Variants in LRRIQ1 observed in about 807,000 individuals in gnomAD.
LRRIQ1 encodes the protein leucine rich repeats and IQ motif containing 1.
LRRIQ1 carries 210 observed loss-of-function variants against 211.9 expected under a neutral mutation model. That is an observed-to-expected ratio of 0.99 (90% confidence interval 0.89 to 1.11). LRRIQ1 has a LOEUF of 1.11. Among genes scored for constraint, LRRIQ1 ranks in the 50% most tolerant of loss-of-function variants. The pLI, the probability that LRRIQ1 is intolerant of heterozygous loss-of-function variation, is 0.00. For missense variants in LRRIQ1, 2,136 were observed against 1,939.5 expected, an observed-to-expected ratio of 1.10 and a Z score of -1.90; for synonymous variants, 699 against 650.1, an observed-to-expected ratio of 1.08 and a Z score of -1.14.
At chr12:85,192,751 A>C (rs11610482) in intron 24 of LRRIQ1, among the ~76,000 whole-genome samples, 1 of 102,616 alleles carries the variant, frequency 9.7e-6, no homozygotes, top group Non-Finnish European at 1.7e-5. Flanking sequence ...ATTATATATA[A>C]ATATATATAG....
chr12:85,098,249 T>A, intron 11 of LRRIQ1, 106 bp from the exon 12 acceptor site: 1 of 665,058 alleles, frequency 1.5e-6, no homozygotes, highest in South Asian at 2.1e-5. Flanking sequence ...TAATTAATGA[T>A]AGTGAGAAAT....
At chr12:85,054,462 A>G (rs375745345) in intron 7 of LRRIQ1, among the ~76,000 whole-genome samples, 21 of 152,188 alleles carry the variant, frequency 1.4e-4, no homozygotes, top group African/African-American at 5.1e-4. Flanking sequence ...TCTTTCTCCC[A>G]TGGCTTTTTG....
intron 1 of LRRIQ1, among the ~76,000 whole-genome samples, chr12:85,255,282 T>A (rs951029400): frequency 4.0e-5 from 6 of 151,890 alleles, no homozygotes; most frequent in African/African-American, 1.4e-4. Flanking sequence ...GGCAAATTTG[T>A]AAGTGATGCC....
chr12:85,257,833 A>G (rs1896164197), intron 1 of LRRIQ1, among the ~76,000 whole-genome samples: 1 of 151,896 alleles, frequency 6.6e-6, no homozygotes, highest in Non-Finnish European at 1.5e-5. Context: ...AATTTAGTGA[A>G]GACTTTTTTT....
intron 24 of LRRIQ1, among the ~76,000 whole-genome samples, chr12:85,177,595 G>A (rs1441944157): frequency 6.6e-6 from 1 of 152,110 alleles, no homozygotes; most frequent in Admixed American, 6.6e-5. Context: ...GGTTGGTATG[G>A]CTAGAGAACA....
chr12:85,269,478 G>GAA, the LRRIQ1 span, among the ~76,000 whole-genome samples: 1 of 152,006 alleles, frequency 6.6e-6, no homozygotes, highest in South Asian at 2.1e-4. Context: ...TTAAGTGCAA[G>GAA]AAAACTTGAT....
Position 85,106,506 on chromosome 12 carries a change from A to C in LRRIQ1, c.3284-16A>C. On this transcript the variant is annotated splice_polypyrimidine_tract_variant and intron_variant, in intron 14 of 26. Transcript: ENST00000393217. ...ATCTGTGATGATACCTTTCAAAATG[A>C]TTTTATTTTCTGTAGATCTTAAAAG... The C allele has an allele frequency of 6.5e-7, 1 of 1,544,340 alleles. No homozygotes were observed. Among genetic ancestry groups the C allele is most frequent in the Non-Finnish European group, 8.9e-7 (1 of 1,119,102 alleles).
At chr12:85,254,415 T>C in intron 1 of LRRIQ1, among the ~76,000 whole-genome samples, 1 of 152,148 alleles carries the variant, frequency 6.6e-6, no homozygotes, top group Non-Finnish European at 1.5e-5. Context: ...TTAGATTTCA[T>C]AACTGAAATT....
chr12:85,174,701 C>CAAAAAAAAAGAAAAAAAAA (rs1891596961), intron 24 of LRRIQ1, among the ~76,000 whole-genome samples: 1 of 21,612 alleles, frequency 4.6e-5, no homozygotes, highest in African/African-American at 3.1e-4. Context: ...GAGTACAGCT[C>CAAAAAAAAAGAAAAAAAAA]AAAAAAAAAA....
At chr12:85,115,443 G>A (rs1209105822) in intron 15 of LRRIQ1, among the ~76,000 whole-genome samples, 1 of 152,120 alleles carries the variant, frequency 6.6e-6, no homozygotes, top group South Asian at 2.1e-4. Context: ...TCAAGATATT[G>A]TTATAGTCTT....
intron 26 of LRRIQ1, among the ~76,000 whole-genome samples, chr12:85,239,356 T>TACAC (rs55912271): frequency 0.14 from 20,956 of 145,014 alleles, 3,848 homozygotes; most frequent in African/African-American, 0.44. Flanking sequence ...AACTGTTTTA[T>TACAC]ACACACACAC....
chr12:85,081,342 A>G (rs1463516625), intron 11 of LRRIQ1, among the ~76,000 whole-genome samples: 1 of 152,154 alleles, frequency 6.6e-6, no homozygotes, highest in African/African-American at 2.4e-5. Context: ...ACTTCTCAAC[A>G]GATGAACTGT....
chr12:85,046,136 AG>A lies in LRRIQ1; in HGVS notation c.454+1del, dbSNP rs1208161758. The A allele has an allele frequency of 6.4e-7, 1 of 1,561,938 alleles. No individual in the cohort carries two copies. The highest frequency in any genetic ancestry group is 2.2e-5 in the East Asian group (1 of 44,504). On this transcript the variant is annotated frameshift_variant and splice_region_variant, in exon 5 of 27. Coordinates refer to ENST00000393217, the MANE Select transcript of LRRIQ1 (RefSeq NM_001079910.2). LOFTEE classifies it high-confidence loss of function. ...DLPMDEHVLPDDADINFGYCE... is the reference protein window; with the variant it reads ...DLPMDEHVLPXDADINFGYCE... ...TGCCTATGGATGAACATGTTTTACC[AG>A]GTGGACTAAATTGCTCAATGATATG...
At chr12:85,195,535 T>C (rs1892855364) in intron 24 of LRRIQ1, among the ~76,000 whole-genome samples, 1 of 152,228 alleles carries the variant, frequency 6.6e-6, no homozygotes, top group East Asian at 1.9e-4. Flanking sequence ...CAAATCAATT[T>C]AATGTAATCC....
intron 24 of LRRIQ1, among the ~76,000 whole-genome samples, chr12:85,191,373 A>G (rs1892502040): frequency 6.6e-6 from 1 of 151,936 alleles, no homozygotes; most frequent in Admixed American, 6.6e-5. Context: ...TACTGACTCC[A>G]TAATTTTTCC....
At chr12:85,129,189 T>C (rs1294584331) in intron 18 of LRRIQ1, among the ~76,000 whole-genome samples, 1 of 152,200 alleles carries the variant, frequency 6.6e-6, no homozygotes, top group African/African-American at 2.4e-5. Context: ...TTTTAAAAAT[T>C]TATTTACTCA....
intron 24 of LRRIQ1, among the ~76,000 whole-genome samples, chr12:85,202,077 A>G (rs1893327070): frequency 6.6e-6 from 1 of 151,930 alleles, no homozygotes; most frequent in Non-Finnish European, 1.5e-5. Context: ...TTTCCATGTA[A>G]TTATGTAATT....
chr12:85,250,880 T>TATATAATATATTTTATATATTATATATA (rs1895903408), intron 1 of LRRIQ1, among the ~76,000 whole-genome samples: 1 of 98,774 alleles, frequency 1.0e-5, no homozygotes, highest in Non-Finnish European at 1.9e-5. Flanking sequence ...TATATTATAT[T>TATATAATATATTTTATATATTATATATA]ATATATAATA....
At chr12:85,208,413 G>C (rs1237537939) in intron 24 of LRRIQ1, among the ~76,000 whole-genome samples, 1 of 151,910 alleles carries the variant, frequency 6.6e-6, no homozygotes, top group East Asian at 1.9e-4. Flanking sequence ...CATTAATGCG[G>C]ATATATAGAA....
Sources: allele counts gnomAD v4.1 joint callset (sites outside exome capture counted in the v4.1 genomes callset), GRCh38; gene constraint gnomAD v4.1.1; transcripts MANE v1.5; gene names NCBI Gene and HGNC (gene_info 2026-07-23, HGNC 2026-07-21).